NCKAP5: variants seen among roughly 807,000 people sequenced by gnomAD.
NCKAP5 encodes NCK associated protein 5.
NCKAP5 carries 92 observed loss-of-function variants against 167.0 expected under a neutral mutation model. The ratio of observed to expected loss-of-function variants is 0.55; its 90% confidence interval spans 0.47 to 0.66. The LOEUF (loss-of-function observed/expected upper bound fraction) is 0.66. NCKAP5 is among the 30% of genes least tolerant of loss of function. NCKAP5 has a pLI of 0.00. For synonymous variants in NCKAP5, 891 were observed against 877.4 expected, an observed-to-expected ratio of 1.02 and a Z score of -0.27; for missense variants, 2,378 against 2,315.0, an observed-to-expected ratio of 1.03 and a Z score of -0.56.
chr2:132,884,732 T>A (rs918430626), intron 8 of NCKAP5, among the ~76,000 whole-genome samples: 1 of 152,114 alleles, frequency 6.6e-6, no homozygotes, highest in African/African-American at 2.4e-5. Context: ...GGAAGAGAGA[T>A]AAAGGAGAGA....
At chr2:133,482,565 C>T (rs1273045164) in intron 3 of NCKAP5, among the ~76,000 whole-genome samples, 2 of 152,124 alleles carry the variant, frequency 1.3e-5, no homozygotes, top group African/African-American at 2.4e-5. Context: ...TAAGTGGATT[C>T]CATATTTTTG....
At chr2:133,390,722 G>A (rs1417195925) in intron 3 of NCKAP5, among the ~76,000 whole-genome samples, 2 of 152,090 alleles carry the variant, frequency 1.3e-5, no homozygotes, top group Admixed American at 1.3e-4. Context: ...CGCCTATGTA[G>A]AAGTGTGTGT....
At chr2:132,844,984 C>T (rs1688557702) in intron 11 of NCKAP5, among the ~76,000 whole-genome samples, 2 of 152,080 alleles carry the variant, frequency 1.3e-5, no homozygotes, top group African/African-American at 2.4e-5. Context: ...TATATATTAT[C>T]ATCACACTTT....
intron 6 of NCKAP5, among the ~76,000 whole-genome samples, chr2:133,032,270 A>G (rs770211538): frequency 6.6e-6 from 1 of 152,138 alleles, no homozygotes; most frequent in Non-Finnish European, 1.5e-5. Context: ...GGCAGCATTT[A>G]CCAGAAGTTG....
chr2:132,683,863 T>C (rs1685588293), intron 19 of NCKAP5, among the ~76,000 whole-genome samples: 1 of 152,244 alleles, frequency 6.6e-6, no homozygotes, highest in East Asian at 1.9e-4. Flanking sequence ...GAGGCAGCAA[T>C]GAGATTGACT....
At chr2:133,120,769 A>G (rs1437187261) in intron 6 of NCKAP5, among the ~76,000 whole-genome samples, 2 of 152,204 alleles carry the variant, frequency 1.3e-5, no homozygotes, top group Non-Finnish European at 2.9e-5. Flanking sequence ...AACTCTAAGA[A>G]TGATGACTAT....
At chr2:133,223,552 C>G (rs1407103641) in intron 4 of NCKAP5, among the ~76,000 whole-genome samples, 1 of 152,248 alleles carries the variant, frequency 6.6e-6, no homozygotes, top group East Asian at 1.9e-4. Flanking sequence ...TTACTCATCC[C>G]CTCTGACAGG....
intron 3 of NCKAP5, among the ~76,000 whole-genome samples, chr2:133,413,660 A>T (rs1232469375): frequency 1.3e-5 from 2 of 152,136 alleles, no homozygotes; most frequent in Non-Finnish European, 2.9e-5. Context: ...CATTTTTTAA[A>T]AAACCTCATT....
the NCKAP5 span, among the ~76,000 whole-genome samples, chr2:133,671,275 T>C: frequency 6.9e-6 from 1 of 145,878 alleles, no homozygotes; most frequent in African/African-American, 2.6e-5. Flanking sequence ...GTGGAGGAGA[T>C]GAGAGCAGAG....
chr2:132,780,220 C>T (rs1371376620), intron 15 of NCKAP5, among the ~76,000 whole-genome samples: 3 of 152,172 alleles, frequency 2.0e-5, no homozygotes, highest in Admixed American at 6.5e-5. Flanking sequence ...GGCACAATCT[C>T]GGCTCGCTGC....
chr2:133,438,836 A>G (rs1690659086), intron 3 of NCKAP5, among the ~76,000 whole-genome samples: 1 of 152,210 alleles, frequency 6.6e-6, no homozygotes, highest in South Asian at 2.1e-4. Flanking sequence ...GTTATTTTTT[A>G]CTGCTGCTTT....
At chr2:132,806,349 C>T (rs1404197063) in intron 11 of NCKAP5, among the ~76,000 whole-genome samples, 3 of 152,140 alleles carry the variant, frequency 2.0e-5, no homozygotes, top group Non-Finnish European at 4.4e-5. Context: ...GGAATCTTCA[C>T]ACTGTTTTCC....
intron 8 of NCKAP5, among the ~76,000 whole-genome samples, chr2:132,885,816 T>G (rs1198262827): frequency 2.6e-5 from 4 of 152,264 alleles, no homozygotes. Context: ...CTTTGTATAC[T>G]ATAAATTTGT....
chr2:133,182,481 T>A (rs1254978592), intron 5 of NCKAP5, among the ~76,000 whole-genome samples: 1 of 152,142 alleles, frequency 6.6e-6, no homozygotes, highest in East Asian at 1.9e-4. Flanking sequence ...AAGAGACCAG[T>A]AAAATATCCA....
At chr2:133,402,505 T>C (rs1178560246) in intron 3 of NCKAP5, among the ~76,000 whole-genome samples, 1 of 152,114 alleles carries the variant, frequency 6.6e-6, no homozygotes, top group African/African-American at 2.4e-5. Context: ...GGATGTTCTG[T>C]TCCCTCCAAA....
intron 8 of NCKAP5, among the ~76,000 whole-genome samples, chr2:132,891,137 T>A (rs1692667066): frequency 6.6e-6 from 1 of 152,214 alleles, no homozygotes; most frequent in African/African-American, 2.4e-5. Context: ...CACTTCATAA[T>A]GAAACCTCTG....
intron 4 of NCKAP5, among the ~76,000 whole-genome samples, chr2:133,275,669 C>T (rs1162131572): frequency 6.6e-6 from 1 of 151,848 alleles, no homozygotes; most frequent in Non-Finnish European, 1.5e-5. Context: ...ATTGGCAGTC[C>T]TATGCACGTG....
chr2:132,851,650 G>A (rs573228296), intron 11 of NCKAP5, among the ~76,000 whole-genome samples: 1 of 152,120 alleles, frequency 6.6e-6, no homozygotes, highest in Non-Finnish European at 1.5e-5. Context: ...TGCCTCGTTG[G>A]TATCTACCCT....
At chr2:132,935,459 A>G (rs1047584001) in intron 8 of NCKAP5, among the ~76,000 whole-genome samples, 1 of 152,210 alleles carries the variant, frequency 6.6e-6, no homozygotes, top group Non-Finnish European at 1.5e-5. Context: ...GATTTCTGAA[A>G]GGAAAATAGG....
Sources: allele counts gnomAD v4.1 joint callset (sites outside exome capture counted in the v4.1 genomes callset), GRCh38; gene constraint gnomAD v4.1.1; transcripts MANE v1.5; gene names NCBI Gene and HGNC (gene_info 2026-07-23, HGNC 2026-07-21).